GCSAML: variants seen among roughly 807,000 people sequenced by gnomAD.
GCSAML encodes the protein germinal center-associated signaling and motility-like protein.
A neutral mutation model predicts 13.0 loss-of-function variants in GCSAML; 9 were observed. The observed-to-expected ratio is 0.69, with a 90% confidence interval of 0.42 to 1.21. The LOEUF is 1.21. Ranked by LOEUF, GCSAML falls within the 50% of genes most tolerant of loss-of-function variation. The pLI, the probability that GCSAML is intolerant of heterozygous loss-of-function variation, is 0.00. For missense variants in GCSAML, 143 were observed against 153.4 expected, an observed-to-expected ratio of 0.93 and a Z score of 0.36; for synonymous variants, 37 against 52.9, an observed-to-expected ratio of 0.70 and a Z score of 1.31.
intron 2 of GCSAML, chr1:247,531,785 A>G (rs1481009468): frequency 1.9e-6 from 3 of 1,614,186 alleles, no homozygotes; most frequent in Non-Finnish European, 2.5e-6. Context: ...ACGTGGGAAG[A>G]ACAGGTGTTG....
At chr1:247,557,121 C>T (rs556022817) in intron 2 of GCSAML, among the ~76,000 whole-genome samples, 5 of 152,334 alleles carry the variant, frequency 3.3e-5, no homozygotes, top group African/African-American at 9.6e-5. Flanking sequence ...GAGATGCTGG[C>T]CCTCATGCCC....
intron 2 of GCSAML, among the ~76,000 whole-genome samples, chr1:247,535,479 C>T (rs138294545): frequency 4.8e-4 from 73 of 152,228 alleles, no homozygotes; most frequent in African/African-American, 1.6e-3. Flanking sequence ...ATAGAGTCAC[C>T]GCAGGTGAGC....
chr1:247,509,316 T>C (rs1443949207), intron 1 of GCSAML, among the ~76,000 whole-genome samples: 2 of 152,224 alleles, frequency 1.3e-5, no homozygotes, highest in African/African-American at 2.4e-5. Context: ...TTGTCTATTA[T>C]TGGTGTATAG....
intron 1 of GCSAML, among the ~76,000 whole-genome samples, chr1:247,553,379 A>C (rs1312513188): frequency 6.6e-6 from 1 of 151,908 alleles, no homozygotes; most frequent in Non-Finnish European, 1.5e-5. Context: ...AGATTTTTCT[A>C]TTCTTTTTTT....
intron 2 of GCSAML, among the ~76,000 whole-genome samples, chr1:247,540,267 A>G (rs1667367412): frequency 6.6e-6 from 1 of 152,140 alleles, no homozygotes; most frequent in South Asian, 2.1e-4. Flanking sequence ...TCCTGACTTC[A>G]TCATCCACCT....
intron 3 of GCSAML, among the ~76,000 whole-genome samples, chr1:247,565,183 C>T (rs1261594039): frequency 1.3e-5 from 2 of 152,058 alleles, no homozygotes; most frequent in Non-Finnish European, 2.9e-5. Flanking sequence ...CACGGTGAAA[C>T]CCCGTCTCTA....
intron 2 of GCSAML, chr1:247,531,733 T>TA (rs1033622417): frequency 2.5e-6 from 4 of 1,614,132 alleles, no homozygotes; most frequent in Non-Finnish European, 3.4e-6. Context: ...TGGCTGGAGA[T>TA]ACATGAAGAT....
At chr1:247,550,485 C>A (rs539383512) in intron 1 of GCSAML, among the ~76,000 whole-genome samples, 14 of 152,022 alleles carry the variant, frequency 9.2e-5, no homozygotes, top group Admixed American at 2.0e-4. Flanking sequence ...AAAATACAAA[C>A]AATTAGCCGG....
chr1:247,556,500 T>A (rs768485110), intron 2 of GCSAML, 34 bp downstream of exon 2: 2 of 1,477,778 alleles, frequency 1.4e-6, no homozygotes, highest in Non-Finnish European at 1.9e-6. Context: ...TTTTTTGTTT[T>A]GTTTTGTTTT....
intron 2 of GCSAML, among the ~76,000 whole-genome samples, chr1:247,557,755 C>G (rs1357253419): frequency 6.6e-6 from 1 of 152,162 alleles, no homozygotes; most frequent in Non-Finnish European, 1.5e-5. Flanking sequence ...CCCGACTCCC[C>G]CCACTCCCCT....
At chr1:247,520,495 C>T (rs1277676931) in intron 1 of GCSAML, among the ~76,000 whole-genome samples, 1 of 151,008 alleles carries the variant, frequency 6.6e-6, no homozygotes, top group East Asian at 2.0e-4. Flanking sequence ...ATTGAGTTAG[C>T]CAGTTTCTTC....
intron 2 of GCSAML, among the ~76,000 whole-genome samples, chr1:247,537,288 C>T (rs1444533590): frequency 6.6e-6 from 1 of 152,146 alleles, no homozygotes. Flanking sequence ...TATGTTGTAG[C>T]GTGTATCAGT....
intron 2 of GCSAML, among the ~76,000 whole-genome samples, chr1:247,538,502 C>T (rs1009046572): frequency 2.6e-5 from 4 of 152,142 alleles, no homozygotes; most frequent in Non-Finnish European, 4.4e-5. Flanking sequence ...AACCATAACC[C>T]ACAATGTGAC....
chr1:247,556,276 T>G, intron 1 of GCSAML, 131 bp from the exon 2 acceptor site: 1 of 655,894 alleles, frequency 1.5e-6, no homozygotes, highest in Non-Finnish European at 2.7e-6. Context: ...CTTATTGATT[T>G]TGAAGGAAAG....
At chr1:247,566,167 A>G (rs1037702868) in intron 4 of GCSAML, among the ~76,000 whole-genome samples, 3 of 152,170 alleles carry the variant, frequency 2.0e-5, no homozygotes, top group African/African-American at 7.2e-5. Context: ...TAAAAAACCA[A>G]AAAGTATTTC....
At chr1:247,573,639 T>C (rs192913244) in intron 4 of GCSAML, among the ~76,000 whole-genome samples, 1 of 152,334 alleles carries the variant, frequency 6.6e-6, no homozygotes, top group Admixed American at 6.5e-5. Flanking sequence ...TATTCAGCTT[T>C]GTTCTTTTTG....
At chr1:247,557,464 C>T (rs917422624) in intron 2 of GCSAML, among the ~76,000 whole-genome samples, 34 of 152,122 alleles carry the variant, frequency 2.2e-4, no homozygotes, top group African/African-American at 6.5e-4. Context: ...GTAGGCTTTT[C>T]GTATTCTTGC....
At chr1:247,546,520 G>A (rs1667582299), upstream of GCSAML, among the ~76,000 whole-genome samples, 2 of 151,844 alleles carry the variant, frequency 1.3e-5, no homozygotes, top group Admixed American at 6.6e-5. Context: ...CACCACGCCT[G>A]GCTCATTTTT....
chr1:247,572,744 C>T (rs1668668144), intron 4 of GCSAML, among the ~76,000 whole-genome samples: 1 of 152,238 alleles, frequency 6.6e-6, no homozygotes, highest in Non-Finnish European at 1.5e-5. Context: ...GCTGGGAGAT[C>T]TGCTGCTCTC....
Sources: gnomAD v4.1 joint callset for allele counts (sites outside exome capture counted in the v4.1 genomes callset) on GRCh38, gnomAD v4.1.1 for gene constraint, MANE v1.5 for transcripts, NCBI Gene and HGNC (gene_info 2026-07-23, HGNC 2026-07-21) for gene names.